DST: variants seen among roughly 807,000 people sequenced by gnomAD.
DST encodes bullous pemphigoid antigen.
A neutral mutation model predicts 875.2 loss-of-function variants in DST; 253 were observed. That is an observed-to-expected ratio of 0.29 (90% CI 0.26 to 0.32). DST has a LOEUF of 0.32. DST is among the 10% of genes least tolerant of loss of function. The pLI is 1.00. For synonymous variants in DST, 3,124 were observed against 3,197.1 expected (o/e 0.98, Z 0.77); for missense variants, 8,287 against 9,111.6 (o/e 0.91, Z 3.68).
chr6:56,881,736 T>C (rs1782312063), intron 3 of DST, among the ~76,000 whole-genome samples: 1 of 152,004 alleles, frequency 6.6e-6, no homozygotes, highest in Non-Finnish European at 1.5e-5. Flanking sequence ...ACTCAAAAGA[T>C]CAACAATCTG....
At chr6:56,878,297 C>A (rs1167977758) in intron 3 of DST, among the ~76,000 whole-genome samples, 1 of 152,140 alleles carries the variant, frequency 6.6e-6, no homozygotes, top group Non-Finnish European at 1.5e-5. Flanking sequence ...AAGGAGACAC[C>A]TTGAAGGGTA....
chr6:56,831,848 G>A (rs7775182), intron 4 of DST, among the ~76,000 whole-genome samples: 23,545 of 151,856 alleles, frequency 0.16, 2,062 homozygotes, highest in Non-Finnish European at 0.18. Context: ...AGATGGTAAT[G>A]TGTTCACTTG....
At chr6:56,773,974 C>T (rs1271202865) in intron 4 of DST, among the ~76,000 whole-genome samples, 2 of 151,988 alleles carry the variant, frequency 1.3e-5, no homozygotes, top group African/African-American at 4.8e-5. Context: ...AAAAAACAGG[C>T]ACGGTGGTAT....
chr6:56,779,934 T>G (rs1238368957), intron 4 of DST, among the ~76,000 whole-genome samples: 3 of 142,718 alleles, frequency 2.1e-5, no homozygotes, highest in Non-Finnish European at 3.0e-5. Context: ...GTCCATGTGT[T>G]CTCATTGTTC....
At position 56,606,814 on chromosome 6, in the gene DST, T is replaced by A; in HGVS notation, c.7814A>T (p.Asp2605Val). Reference protein sequence around the residue: ...LNDQQNNTGTDTDSDDDFYDT... With the variant: ...LNDQQNNTGTVTDSDDDFYDT... ...ATAAAAATCATCATCACTATCAGTG[T>A]CTGTTCCTGTGTTATTCTGCTGATC... The change falls in exon 40 of 104, where the codon GAC becomes GTC. Residue 2605 changes from aspartate to valine, a missense_variant. Asp to Val is a radical substitution (Grantham distance 152, BLOSUM62 -3). Transcript: ENST00000680361. 1 of 1,613,252 alleles carries A rather than the reference T, an allele frequency of 6.2e-7. No individual in the cohort carries two copies.
rs752599339 is a variant in DST, at chr6:56,474,037, G to A, written c.21865-35C>T. 15 of 1,546,360 alleles carry A rather than the reference G, an allele frequency of 9.7e-6. No individual in the cohort carries two copies. In the South Asian group the frequency reaches 1.7e-4, roughly 18 times the overall value. ...AAGAAATGATGTCAATCAAATAAGA[G>A]TTACTACAGAAAACCGTCTTTAGAA... On this transcript the variant is annotated intron_variant, in intron 92 of 103. Transcript: ENST00000680361.
intron 45 of DST, 98 bp from the exon 46 acceptor site, chr6:56,598,807 G>T (rs147542942): frequency 1.7e-6 from 1 of 599,250 alleles, no homozygotes; most frequent in East Asian, 3.0e-5. Flanking sequence ...TACAGAGAGA[G>T]TCTAGTATAT....
At position 56,802,162 on chromosome 6, in the gene DST, G is replaced by A. The variant is rs919804089; in HGVS notation, c.625+49235C>T. ...TCATCTATTTAATTTTTATATTTAA[G>A]GAATAATCTGAGCATTATTAGCAGA... On this transcript the variant is annotated intron_variant, in intron 4 of 103. Coordinates refer to ENST00000680361, the MANE Select transcript of DST (RefSeq NM_001374736.1). 1.3e-4 allele frequency among the ~76,000 whole-genome samples: 19 copies of A among 151,836 alleles called. No individual in the cohort carries two copies. The East Asian group carries it at 3.5e-3, about 28-fold the overall frequency.
At chr6:56,736,357 G>A (rs2099523800) in intron 4 of DST, among the ~76,000 whole-genome samples, 2 of 152,148 alleles carry the variant, frequency 1.3e-5, no homozygotes, top group Admixed American at 6.5e-5. Context: ...GGAATGCTGT[G>A]GTTCATCAAG....
At chr6:56,520,253 T>C (rs78116064) in intron 69 of DST, among the ~76,000 whole-genome samples, 42 of 152,190 alleles carry the variant, frequency 2.8e-4, no homozygotes, top group African/African-American at 8.7e-4. Flanking sequence ...CAGGTACCTG[T>C]GGAACTACAA....
chr6:56,927,272 TA>T (rs1807693195), intron 2 of DST, among the ~76,000 whole-genome samples: 2 of 152,088 alleles, frequency 1.3e-5, no homozygotes, highest in Non-Finnish European at 1.5e-5. Flanking sequence ...CAGAGTCTCA[TA>T]AGGCAATGCT....
At chr6:56,816,638 A>G (rs2099766846) in intron 4 of DST, among the ~76,000 whole-genome samples, 1 of 152,176 alleles carries the variant, frequency 6.6e-6, no homozygotes, top group Admixed American at 6.5e-5. Context: ...TCTATGAAAT[A>G]AACAATACCA....
At chr6:56,644,941 T>C (rs773506543) in intron 15 of DST, among the ~76,000 whole-genome samples, 3 of 152,188 alleles carry the variant, frequency 2.0e-5, no homozygotes, top group Non-Finnish European at 4.4e-5. Flanking sequence ...ACTGTTCTCA[T>C]GGTAATGAAT....
In DST at chr6:56,557,522, AAAG is replaced by A; in HGVS notation, c.14441-7_14441-5del. On this transcript the variant is annotated splice_polypyrimidine_tract_variant and splice_region_variant and intron_variant, in intron 58 of 103. Transcript: ENST00000680361. ...TTGAGTTCTTGCCACTTAGAATCTA[AAAG>A]AAAAAAAATGAAACTGGTGTTTGAC... The A allele has an allele frequency of 6.2e-7, 1 of 1,601,424 alleles. No homozygotes were observed. Among genetic ancestry groups the A allele is most frequent in the Non-Finnish European group, 8.5e-7 (1 of 1,173,116 alleles).
chr6:56,868,676 G>A (rs1775478799), intron 3 of DST, among the ~76,000 whole-genome samples: 2 of 152,044 alleles, frequency 1.3e-5, no homozygotes, highest in Non-Finnish European at 2.9e-5. Context: ...AAAATAATTT[G>A]ACAATCACAA....
chr6:56,557,956 A>G lies in DST; in HGVS notation c.14441-438T>C, dbSNP rs1429727517. Among the ~76,000 whole-genome samples the G allele has an allele frequency of 9.2e-5, 14 of 152,168 alleles. 1 individual carries two copies. Among genetic ancestry groups the G allele is most frequent in the Non-Finnish European group, 1.8e-4 (12 of 68,016 alleles). On this transcript the variant is annotated intron_variant, in intron 58 of 103. Coordinates refer to ENST00000680361, the MANE Select transcript of DST (RefSeq NM_001374736.1). ...AATTATTCTTTCCCATTCAAATTAC[A>G]CATTAACAACCAGCTGCTGGAAAGT...
intron 61 of DST, among the ~76,000 whole-genome samples, chr6:56,551,545 T>G (rs2097322440): frequency 6.6e-6 from 1 of 152,186 alleles, no homozygotes; most frequent in Non-Finnish European, 1.5e-5. Flanking sequence ...TTTTATCAAA[T>G]GTTTCATTCA....
chr6:56,945,131 AT>A (rs1562489868), intron 2 of DST, among the ~76,000 whole-genome samples: 3 of 152,346 alleles, frequency 2.0e-5, no homozygotes, highest in African/African-American at 7.2e-5. Flanking sequence ...TTAATAACCC[AT>A]TTTAAGTTGG....
intron 2 of DST, among the ~76,000 whole-genome samples, chr6:56,927,853 C>G (rs73463732): frequency 0.018 from 2,813 of 152,220 alleles, 88 homozygotes; most frequent in African/African-American, 0.064. Flanking sequence ...ACTAGAACAG[C>G]AAAACTAGGA....
Sources: gnomAD v4.1 joint callset for allele counts (sites outside exome capture counted in the v4.1 genomes callset) on GRCh38, gnomAD v4.1.1 for gene constraint, MANE v1.5 for transcripts, NCBI Gene and HGNC (gene_info 2026-07-23, HGNC 2026-07-21) for gene names.